The following ADARB2 variants were observed in gnomAD, a reference collection of about 807,000 sequenced individuals.
ADARB2 encodes adenosine deaminase RNA specific B2 (inactive).
A neutral mutation model predicts 62.2 loss-of-function variants in ADARB2; 25 were observed. The ratio of observed to expected loss-of-function variants is 0.40; its 90% CI spans 0.29 to 0.56. The LOEUF (loss-of-function observed/expected upper bound fraction) is 0.56, where lower values mean the gene tolerates loss of function less well. Ranked by LOEUF, ADARB2 falls within the 20% of genes least tolerant of loss-of-function variation. ADARB2 has a pLI of 0.43. For missense variants in ADARB2, 1,071 were observed against 1,077.4 expected (o/e 0.99, Z 0.08); for synonymous variants, 572 against 500.8 (o/e 1.14, Z -1.90).
At chr10:1,263,305 T>C (rs551283518) in intron 4 of ADARB2, among the ~76,000 whole-genome samples, 7 of 152,302 alleles carry the variant, frequency 4.6e-5, no homozygotes, top group Admixed American at 6.5e-5. Context: ...AAGAATATTT[T>C]AGCTTGTTGA....
intron 3 of ADARB2, chr10:1,293,139 AAGAGAGAGGG>A (rs1194848419): frequency 1.3e-5 from 1 of 74,726 alleles, no homozygotes; most frequent in Non-Finnish European, 2.6e-5. Context: ...TAGGGAAGGA[AAGAGAGAGGG>A]AGAGGGAGGG....
At chr10:1,646,341 TC>T (rs796085256) in intron 1 of ADARB2, among the ~76,000 whole-genome samples, 8 of 152,340 alleles carry the variant, frequency 5.3e-5, no homozygotes, top group African/African-American at 1.9e-4. Context: ...ACCATGTGCA[TC>T]TTGAGGGACT....
At chr10:1,412,786 G>C (rs534094723) in intron 1 of ADARB2, among the ~76,000 whole-genome samples, 1 of 152,300 alleles carries the variant, frequency 6.6e-6, no homozygotes, top group South Asian at 2.1e-4. Context: ...GGGAAGCTAC[G>C]TTGCTTCTCT....
intron 1 of ADARB2, among the ~76,000 whole-genome samples, chr10:1,494,247 G>A (rs1564307350): frequency 6.6e-6 from 1 of 152,204 alleles, no homozygotes; most frequent in East Asian, 1.9e-4. Flanking sequence ...AATTATGAAG[G>A]AATGAGCCCA....
intron 3 of ADARB2, among the ~76,000 whole-genome samples, chr10:1,334,408 A>G (rs1447197850): frequency 6.6e-6 from 1 of 152,236 alleles, no homozygotes; most frequent in East Asian, 1.9e-4. Context: ...TGCTTCCTAC[A>G]GAGAAATATG....
chr10:1,606,931 G>A (rs976989703), intron 1 of ADARB2, among the ~76,000 whole-genome samples: 2 of 152,224 alleles, frequency 1.3e-5, no homozygotes, highest in Non-Finnish European at 2.9e-5. Flanking sequence ...ATGACAGAAT[G>A]TGGGGCAAAT....
chr10:1,565,793 G>C (rs1311628324), intron 1 of ADARB2, among the ~76,000 whole-genome samples: 3 of 152,100 alleles, frequency 2.0e-5, no homozygotes, highest in Non-Finnish European at 4.4e-5. Flanking sequence ...ATCCGAAGAA[G>C]ATTCCTGGAA....
At chr10:1,558,397 A>G (rs1588302097) in intron 1 of ADARB2, among the ~76,000 whole-genome samples, 1 of 108,630 alleles carries the variant, frequency 9.2e-6, no homozygotes. Context: ...CTCGAATCCC[A>G]CCTCTGCCCC....
chr10:1,733,389 A>G (rs1028880501), intron 1 of ADARB2, among the ~76,000 whole-genome samples: 12 of 148,820 alleles, frequency 8.1e-5, no homozygotes, highest in African/African-American at 3.0e-4. Context: ...AATGCCTTTC[A>G]TGCCAATGCA....
chr10:1,326,786 TGCCCAGCGCCTCCCCACG>T lies in ADARB2; in HGVS notation c.1077+36224_1077+36241del, dbSNP rs1304308884. On this transcript the variant is annotated intron_variant, in intron 3 of 9. Transcript: ENST00000381312. The stretch of plus-strand genomic sequence containing the variant: ...CTCTGGTAGCACAGCCCCTCCTCAC[TGCCCAGCGCCTCCCCACG>T]GCCCAGCGCCTCCCCACGGCCCAGC... Among the ~76,000 whole-genome samples, 396 of 54,260 alleles carry T rather than the reference TGCCCAGCGCCTCCCCACG, an allele frequency of 7.3e-3. 17 individuals carry two copies. Among genetic ancestry groups the T allele is most frequent in the African/African-American group, 0.012 (213 of 17,714 alleles). The allele number at this position is 54,260 out of a possible 152,430, so 35.6% of individuals were successfully genotyped here.
intron 3 of ADARB2, among the ~76,000 whole-genome samples, chr10:1,305,176 G>C (rs990131825): frequency 1.4e-5 from 2 of 145,058 alleles, no homozygotes; most frequent in African/African-American, 5.0e-5. Flanking sequence ...AAGAAAAAAA[G>C]AGAGAAGAAT....
Position 1,363,729 on chromosome 10 carries a change from G to A in ADARB2, c.376C>T (p.Pro126Ser). Residue 126 changes from proline to serine, a missense_variant, in exon 3 of 10, where the codon CCC becomes TCC. By Grantham distance (74) the Pro-to-Ser change is moderately conservative (BLOSUM62 -1). Transcript: ENST00000381312. ...TGCAGCTGCACCAGCGCGTTCTTGG[G>A]CGCCACCGACCACGACAGCTTCTTC... The part of the protein sequence containing the change: ...VWKKLSWSVA[P>S]KNALVQLHEL... The A allele has an allele frequency of 6.2e-7, 1 of 1,610,102 alleles. No homozygotes were observed. The highest frequency in any genetic ancestry group is 8.5e-7 in the Non-Finnish European group (1 of 1,179,490).
chr10:1,365,282 T>A (rs1832304614), intron 2 of ADARB2, among the ~76,000 whole-genome samples: 1 of 152,170 alleles, frequency 6.6e-6, no homozygotes, highest in Admixed American at 6.5e-5. Flanking sequence ...TGGAGTGTCA[T>A]GGATCGCACC....
intron 1 of ADARB2, among the ~76,000 whole-genome samples, chr10:1,714,236 T>C (rs1365892278): frequency 6.6e-6 from 1 of 152,212 alleles, no homozygotes; most frequent in East Asian, 1.9e-4. Context: ...CGATTTAGAT[T>C]GCGTTCGCAG....
At chr10:1,214,789 A>T (rs1348007563) in intron 7 of ADARB2, among the ~76,000 whole-genome samples, 1 of 152,260 alleles carries the variant, frequency 6.6e-6, no homozygotes, top group Admixed American at 6.5e-5. Context: ...AAGGAAGAAT[A>T]CATTTTCTTT....
chr10:1,295,938 C>T (rs927579935), intron 3 of ADARB2, among the ~76,000 whole-genome samples: 1 of 152,180 alleles, frequency 6.6e-6, no homozygotes, highest in Non-Finnish European at 1.5e-5. Flanking sequence ...GCTCAGTCAG[C>T]AAGCATTTGC....
At chr10:1,351,807 C>T (rs1255122684) in intron 3 of ADARB2, among the ~76,000 whole-genome samples, 1 of 151,894 alleles carries the variant, frequency 6.6e-6, no homozygotes, top group African/African-American at 2.4e-5. Context: ...TATAACCTCC[C>T]CTTACAATTC....
intron 3 of ADARB2, among the ~76,000 whole-genome samples, chr10:1,352,262 C>T (rs1235342567): frequency 6.6e-6 from 1 of 152,164 alleles, no homozygotes; most frequent in African/African-American, 2.4e-5. Context: ...CCTTTCCTTC[C>T]TAGGCATGGT....
intron 7 of ADARB2, among the ~76,000 whole-genome samples, chr10:1,204,385 AGACAAAGCAC>A (rs780665722): frequency 6.6e-6 from 1 of 152,376 alleles, no homozygotes; most frequent in South Asian, 2.1e-4. Context: ...ATTGCAAAGC[AGACAAAGCAC>A]GGCAAAGCAG....
Sources: allele counts gnomAD v4.1 joint callset (sites outside exome capture counted in the v4.1 genomes callset), GRCh38; gene constraint gnomAD v4.1.1; transcripts MANE v1.5; gene names NCBI Gene and HGNC (gene_info 2026-07-23, HGNC 2026-07-21).